The following ANXA3 variants were observed in gnomAD, a reference collection of about 807,000 sequenced individuals.
ANXA3 encodes annexin A3.
Under a neutral mutation model 48.8 loss-of-function variants are expected in ANXA3, and 46 were observed. The observed-to-expected ratio is 0.94, with a 90% confidence interval of 0.74 to 1.21. ANXA3 has a LOEUF of 1.21. Ranked by LOEUF, ANXA3 falls within the 50% of genes most tolerant of loss-of-function variation. The probability of loss-of-function intolerance (pLI) is 0.00; values close to 1 mark genes in which losing one functional copy is unlikely to be tolerated. For synonymous variants in ANXA3, 128 were observed against 134.7 expected, an observed-to-expected ratio of 0.95 and a Z score of 0.35; for missense variants, 383 against 378.6, an observed-to-expected ratio of 1.01 and a Z score of -0.10.
chr4:78,597,241 T>C (rs1723439796), intron 9 of ANXA3, 78 bp from the exon 10 acceptor site: 1 of 896,326 alleles, frequency 1.1e-6, no homozygotes. Flanking sequence ...ATCTTCTGCA[T>C]ATCAAATAAA....
chr4:78,559,671 C>T (rs1247699433), intron 2 of ANXA3, among the ~76,000 whole-genome samples: 1 of 152,210 alleles, frequency 6.6e-6, no homozygotes, highest in Non-Finnish European at 1.5e-5. Context: ...AGAATGAAGA[C>T]AGTCTAACCA....
At chr4:78,593,839 G>A (rs1433335482) in intron 7 of ANXA3, among the ~76,000 whole-genome samples, 1 of 133,968 alleles carries the variant, frequency 7.5e-6, no homozygotes, top group Non-Finnish European at 1.6e-5. Context: ...TAGAGCGAGA[G>A]AAGGTCTCAC....
intron 2 of ANXA3, among the ~76,000 whole-genome samples, chr4:78,559,724 G>A (rs920641837): frequency 2.0e-5 from 3 of 152,134 alleles, no homozygotes; most frequent in Non-Finnish European, 4.4e-5. Flanking sequence ...TCATTTAAAA[G>A]GTAGGCTCTT....
chr4:78,600,148 G>A (rs1723504350), intron 10 of ANXA3, among the ~76,000 whole-genome samples: 1 of 152,088 alleles, frequency 6.6e-6, no homozygotes, highest in South Asian at 2.1e-4. Context: ...GGAACCTGTG[G>A]GAGGAGAGAG....
rs527612789 is a variant in ANXA3 at position 78,593,412 on chromosome 4, G to A, written c.483+1789G>A. 1.9e-4 allele frequency among the ~76,000 whole-genome samples: 29 copies of A among 151,680 alleles called. No individual in the cohort carries two copies. The South Asian group carries it at 5.0e-3, about 26-fold the overall frequency. The stretch of plus-strand genomic sequence containing the variant: ...AGACAGGGTTTCATCATGTTGGCTA[G>A]GATGGTCTCAAACTCCTGACCTCAA... On this transcript the variant is annotated intron_variant, in intron 7 of 12. Transcript: ENST00000264908.
chr4:78,552,916 A>G (rs1290333009), intron 1 of ANXA3, among the ~76,000 whole-genome samples: 1 of 152,256 alleles, frequency 6.6e-6, no homozygotes, highest in African/African-American at 2.4e-5. Flanking sequence ...CTGTTTAGAA[A>G]TAACCGTAGA....
chr4:78,606,600 C>T (rs1723653030), intron 12 of ANXA3, among the ~76,000 whole-genome samples: 1 of 152,172 alleles, frequency 6.6e-6, no homozygotes, highest in African/African-American at 2.4e-5. Context: ...CACCCTTGAA[C>T]AGGCACAAAT....
chr4:78,585,038 A>G (rs1396514771), intron 5 of ANXA3, among the ~76,000 whole-genome samples: 1 of 152,206 alleles, frequency 6.6e-6, no homozygotes, highest in Non-Finnish European at 1.5e-5. Flanking sequence ...ACAGTCATTG[A>G]CTGACAGCCA....
At chr4:78,562,762 G>T (rs766213106) in intron 2 of ANXA3, among the ~76,000 whole-genome samples, 12 of 152,170 alleles carry the variant, frequency 7.9e-5, no homozygotes, top group Non-Finnish European at 1.8e-4. Flanking sequence ...GAAAAGTAAA[G>T]GTGGATAATA....
chr4:78,606,651 T>A (rs890036463), intron 12 of ANXA3, among the ~76,000 whole-genome samples: 3 of 152,190 alleles, frequency 2.0e-5, no homozygotes, highest in African/African-American at 7.2e-5. Context: ...GGAAGGTTTC[T>A]GCCTCTGACT....
chr4:78,561,177 C>T (rs1452460989), intron 2 of ANXA3, among the ~76,000 whole-genome samples: 1 of 152,078 alleles, frequency 6.6e-6, no homozygotes, highest in Non-Finnish European at 1.5e-5. Flanking sequence ...CCAGGATGGA[C>T]CCTTGCAGAT....
chr4:78,571,830 A>G (rs566145008), intron 2 of ANXA3, among the ~76,000 whole-genome samples: 1 of 152,222 alleles, frequency 6.6e-6, no homozygotes, highest in Admixed American at 6.5e-5. Flanking sequence ...ACATGCTTCT[A>G]ATTTACATGC....
chr4:78,580,531 A>G (rs1723050418), intron 4 of ANXA3, among the ~76,000 whole-genome samples: 1 of 152,112 alleles, frequency 6.6e-6, no homozygotes, highest in Admixed American at 6.5e-5. Flanking sequence ...GGAATAATAT[A>G]CTGCAGTTTT....
intron 12 of ANXA3, 152 bp downstream of exon 12, chr4:78,604,551 G>T: frequency 1.7e-6 from 1 of 596,224 alleles, no homozygotes; most frequent in African/African-American, 1.9e-5. Flanking sequence ...AATAGTAGCA[G>T]CAAAATATCC....
chr4:78,592,273 C>T (rs944103243), intron 7 of ANXA3, among the ~76,000 whole-genome samples: 5 of 152,108 alleles, frequency 3.3e-5, no homozygotes, highest in African/African-American at 4.8e-5. Context: ...TAAGAGAGAA[C>T]GTGATTTAAA....
intron 4 of ANXA3, among the ~76,000 whole-genome samples, chr4:78,579,396 T>G (rs1723028975): frequency 6.6e-6 from 1 of 152,054 alleles, no homozygotes; most frequent in South Asian, 2.1e-4. Flanking sequence ...GTGATTTTGC[T>G]CCCCAGGGGA....
At chr4:78,602,845 TC>T (rs1359969056) in intron 11 of ANXA3, 1 of 152,384 alleles carries the variant, frequency 6.6e-6, no homozygotes, top group Non-Finnish European at 1.5e-5. Flanking sequence ...CTCTCTGAAG[TC>T]GTACCATTCC....
Position 78,610,124 on chromosome 4 carries a change from G to A in ANXA3, c.*9G>A, listed in dbSNP as rs373519447. Reference sequence around the variant, plus strand: ...GTGGTGGAGATGACTGAACCAAGAAGATAATCTCCAAAGGTCCACGATGGG... The same window carrying A: ...GTGGTGGAGATGACTGAACCAAGAAAATAATCTCCAAAGGTCCACGATGGG... On this transcript the variant is annotated 3_prime_UTR_variant, in exon 13 of 13. Coordinates refer to ENST00000264908, the MANE Select transcript of ANXA3 (RefSeq NM_005139.3). 6.2e-7 allele frequency: 1 copy of A among 1,604,620 alleles called. No homozygotes were observed. The highest frequency in any genetic ancestry group is 8.5e-7 in the Non-Finnish European group (1 of 1,173,372).
intron 12 of ANXA3, 129 bp downstream of exon 12, chr4:78,604,528 T>G: frequency 1.3e-6 from 1 of 741,624 alleles, no homozygotes; most frequent in South Asian, 3.1e-5. Context: ...ATAAATGTGT[T>G]GTCTGAGCTT....
Sources: gnomAD v4.1 joint callset for allele counts (sites outside exome capture counted in the v4.1 genomes callset) on GRCh38, gnomAD v4.1.1 for gene constraint, MANE v1.5 for transcripts, NCBI Gene and HGNC (gene_info 2026-07-23, HGNC 2026-07-21) for gene names.